ASTN1: variants seen among roughly 807,000 people sequenced by gnomAD.
ASTN1 encodes astrotactin 1.
In ASTN1, 41 loss-of-function variants were observed where a neutral mutation model predicts 140.7. The ratio of observed to expected loss-of-function variants is 0.29; its 90% CI spans 0.23 to 0.38. The LOEUF is 0.38. ASTN1 is among the 10% of genes least tolerant of loss of function. ASTN1 has a pLI of 1.00. For synonymous variants in ASTN1, 640 were observed against 652.2 expected (o/e 0.98, Z 0.29); for missense variants, 1,479 against 1,678.8 (o/e 0.88, Z 2.08).
chr1:177,159,680 A>C (rs1003120462), intron 1 of ASTN1, among the ~76,000 whole-genome samples: 2 of 152,250 alleles, frequency 1.3e-5, no homozygotes, highest in Non-Finnish European at 2.9e-5. Flanking sequence ...CAAGTAGCTA[A>C]AACCACATTA....
At chr1:177,138,509 G>A (rs758379868) in intron 1 of ASTN1, among the ~76,000 whole-genome samples, 3 of 152,218 alleles carry the variant, frequency 2.0e-5, no homozygotes, top group Non-Finnish European at 2.9e-5. Context: ...ACAGAAAGGA[G>A]AGGCTGCTGA....
At chr1:177,065,026 A>T (rs1300963149) in intron 1 of ASTN1, among the ~76,000 whole-genome samples, 1 of 152,202 alleles carries the variant, frequency 6.6e-6, no homozygotes, top group Admixed American at 6.5e-5. Flanking sequence ...TTGCTTTACC[A>T]ATGCAAGCCT....
At chr1:176,965,034 T>C in intron 9 of ASTN1, 129 bp downstream of exon 9, 1 of 827,952 alleles carries the variant, frequency 1.2e-6, no homozygotes, top group South Asian at 1.7e-5. Flanking sequence ...AACACTTTTG[T>C]TAGCAGGTGG....
chr1:176,929,597 G>A (rs1218030877), intron 16 of ASTN1, among the ~76,000 whole-genome samples: 2 of 152,236 alleles, frequency 1.3e-5, no homozygotes, highest in Non-Finnish European at 2.9e-5. Flanking sequence ...GTGGTAATTT[G>A]TTACAGCAGC....
At chr1:177,163,938 T>C (rs1310388943) in intron 1 of ASTN1, among the ~76,000 whole-genome samples, 1 of 152,164 alleles carries the variant, frequency 6.6e-6, no homozygotes, top group Non-Finnish European at 1.5e-5. Context: ...GATGACAGGA[T>C]ACCTGTTTCT....
chr1:176,956,989 C>T (rs1672435439), intron 11 of ASTN1, among the ~76,000 whole-genome samples: 1 of 152,190 alleles, frequency 6.6e-6, no homozygotes, highest in Admixed American at 6.5e-5. Flanking sequence ...CCTTGAACTC[C>T]TGGGCTCAAG....
In ASTN1 at chr1:176,892,219, G is replaced by A. The variant is rs541926401; in HGVS notation, c.2940+2343C>T. Among the ~76,000 whole-genome samples the A allele has an allele frequency of 2.6e-5, 4 of 152,230 alleles. No homozygotes were observed. In the South Asian group the frequency reaches 8.3e-4, roughly 32 times the overall value. Reference sequence around the variant, plus strand: ...GATTGTATTCAATAGATTCTGTGGAGCCATTAAATTACTTTGATGCCAAAT... The same window carrying A: ...GATTGTATTCAATAGATTCTGTGGAACCATTAAATTACTTTGATGCCAAAT... On this transcript the variant is annotated intron_variant, in intron 17 of 22. Transcript: ENST00000361833.
chr1:176,895,678 T>C (rs1669472816), intron 16 of ASTN1, among the ~76,000 whole-genome samples: 2 of 152,226 alleles, frequency 1.3e-5, no homozygotes, highest in African/African-American at 4.8e-5. Flanking sequence ...TTGGTCTACT[T>C]TTGGTGACAA....
intron 8 of ASTN1, among the ~76,000 whole-genome samples, chr1:176,991,042 G>T (rs1300794206): frequency 6.6e-6 from 1 of 151,980 alleles, no homozygotes; most frequent in Admixed American, 6.6e-5. Flanking sequence ...AATTAGCCTC[G>T]CTGCTCTTCC....
chr1:177,120,655 C>T (rs899778973), intron 1 of ASTN1, among the ~76,000 whole-genome samples: 5 of 152,160 alleles, frequency 3.3e-5, no homozygotes, highest in Non-Finnish European at 7.4e-5. Flanking sequence ...ACAGCACTTT[C>T]TTCTATAATG....
Position 176,946,074 on chromosome 1 carries a change from G to A in ASTN1, c.2101C>T (p.Leu701Phe), listed in dbSNP as rs2103111365. Residue 701 changes from leucine (L) to phenylalanine (F), a missense_variant, in exon 13 of 23, where the codon CTC becomes TTC. Physicochemically the swap from Leu to Phe is conservative, Grantham distance 22. This residue lies in a region of ASTN1 where 746 missense variants were observed against 800.9 expected (regional missense o/e 0.93). Coordinates refer to ENST00000361833, the MANE Select transcript of ASTN1 (RefSeq NM_004319.3). ...CCCTCTGGACAGGTCTCCGTGATGA[G>A]TTGGCAAGAGCGTCCATCCACACCA... is the stretch of plus-strand genomic sequence containing the variant. Reference protein sequence around the residue: ...KLGVDGRSCQLITETCPEGSD... With the variant: ...KLGVDGRSCQFITETCPEGSD... 1 of 1,613,718 alleles carries A rather than the reference G, an allele frequency of 6.2e-7. No homozygotes were observed. Among genetic ancestry groups the A allele is most frequent in the Non-Finnish European group, 8.5e-7 (1 of 1,179,706 alleles).
chr1:176,991,126 G>A lies in ASTN1; in HGVS notation c.1523+23665C>T, dbSNP rs779751927. 7.0e-4 allele frequency among the ~76,000 whole-genome samples: 107 copies of A among 152,170 alleles called. 1 individual carries two copies. Among genetic ancestry groups the A allele is most frequent in the Middle Eastern group, 3.4e-3 (1 of 294 alleles). On this transcript the variant is annotated intron_variant, in intron 8 of 22. Transcript: ENST00000361833. ...ACTTAACCATAAAAATTATAGAGCCGGCCGGGTGCAGTGGCTCATGCCTGT... is the reference window on the plus strand; with the variant it reads ...ACTTAACCATAAAAATTATAGAGCCAGCCGGGTGCAGTGGCTCATGCCTGT...
intron 1 of ASTN1, among the ~76,000 whole-genome samples, chr1:177,094,945 T>A (rs1679956939): frequency 6.6e-6 from 1 of 152,212 alleles, no homozygotes; most frequent in Admixed American, 6.6e-5. Context: ...GCCATTCTGA[T>A]GAGGTCTCAA....
At position 176,943,906 on chromosome 1, in the gene ASTN1, G is replaced by A; in HGVS notation, c.2362C>T (p.Pro788Ser). 4 of 1,609,350 alleles carry A rather than the reference G, an allele frequency of 2.5e-6. No individual in the cohort carries two copies. Among genetic ancestry groups the A allele is most frequent in the African/African-American group, 1.3e-5 (1 of 74,744 alleles). Residue 788 changes from proline to serine, a missense_variant, in exon 14 of 23, where the codon CCT (proline) becomes TCT (serine). Physicochemically the swap from Pro to Ser is moderately conservative, Grantham distance 74. This residue lies in a region of ASTN1 where 746 missense variants were observed against 800.9 expected (regional missense o/e 0.93). Coordinates refer to ENST00000361833, the MANE Select transcript of ASTN1 (RefSeq NM_004319.3). ...LEEISEPTPD[P>S]DFLTGMVNFS... ...GCACACTCACCAGTCAGGAAGTCAG[G>A]GTCAGGGGTGGGCTCCGAGATCTCC...
intron 16 of ASTN1, among the ~76,000 whole-genome samples, chr1:176,915,514 C>G (rs1177346414): frequency 6.6e-6 from 1 of 152,152 alleles, no homozygotes. Flanking sequence ...TTGTTTTCAA[C>G]AGTTTCTGAA....
chr1:176,867,110 T>C (rs1035233171), intron 22 of ASTN1, among the ~76,000 whole-genome samples: 47 of 152,344 alleles, frequency 3.1e-4, no homozygotes, highest in African/African-American at 1.1e-3. Flanking sequence ...TCTACATTTC[T>C]TCCCCTGCTC....
chr1:176,869,008 G>A lies in ASTN1; in HGVS notation c.3483C>T (p.Tyr1161=), dbSNP rs1409184571. ...CACTAGTGTAGCCATTGAAGAGATT[G>A]TAGATCTTGTCTGCTATTTCTGAGG... The part of the protein sequence containing the change: ...VKAQEIADKI[Y]NLFNGYTSGK... Residue 1161 remains tyrosine, a synonymous_variant, in exon 22 of 23, where the codon TAC becomes TAT. Coordinates refer to ENST00000361833, the MANE Select transcript of ASTN1 (RefSeq NM_004319.3). The A allele has an allele frequency of 6.3e-7, 1 of 1,591,270 alleles. No homozygotes were observed. Among genetic ancestry groups the A allele is most frequent in the African/African-American group, 1.3e-5 (1 of 74,502 alleles).
chr1:177,022,610 C>T (rs1409804639), intron 7 of ASTN1, among the ~76,000 whole-genome samples: 1 of 152,186 alleles, frequency 6.6e-6, no homozygotes, highest in African/African-American at 2.4e-5. Flanking sequence ...GATAGTATAA[C>T]AGACTTGAAG....
chr1:177,153,444 G>A (rs190620866), intron 1 of ASTN1, among the ~76,000 whole-genome samples: 66 of 151,964 alleles, frequency 4.3e-4, no homozygotes, highest in South Asian at 1.0e-3. Context: ...CCATTATAGC[G>A]ACACAAAATG....
Sources: allele counts gnomAD v4.1 joint callset (sites outside exome capture counted in the v4.1 genomes callset), GRCh38; gene constraint gnomAD v4.1.1; regional missense constraint gnomAD v4.1.1; transcripts MANE v1.5; gene names NCBI Gene and HGNC (gene_info 2026-07-23, HGNC 2026-07-21).